CCDC172: variants seen among roughly 807,000 people sequenced by gnomAD.
The protein encoded by CCDC172 is coiled-coil domain-containing protein 172.
A neutral mutation model predicts 38.0 loss-of-function variants in CCDC172; 30 were observed. The ratio of observed to expected loss-of-function variants is 0.79; its 90% CI spans 0.59 to 1.07. CCDC172 has a LOEUF of 1.07. CCDC172 is among the 50% of genes least tolerant of loss of function. The pLI, the probability that CCDC172 is intolerant of heterozygous loss-of-function variation, is 0.00. For missense variants in CCDC172, 297 were observed against 290.1 expected (o/e 1.02, Z -0.17); for synonymous variants, 78 against 88.3 (o/e 0.88, Z 0.66).
At chr10:116,340,249 G>C (rs184649140) in intron 3 of CCDC172, among the ~76,000 whole-genome samples, 2 of 151,346 alleles carry the variant, frequency 1.3e-5, no homozygotes, top group African/African-American at 2.4e-5. Context: ...TTTTTTATTT[G>C]ATATAACTAT....
At chr10:116,345,313 A>G (rs977857366) in intron 5 of CCDC172, among the ~76,000 whole-genome samples, 2 of 152,176 alleles carry the variant, frequency 1.3e-5, no homozygotes, top group African/African-American at 2.4e-5. Flanking sequence ...ATGATCCTTA[A>G]CTCTTCACAC....
chr10:116,342,001 A>C, intron 4 of CCDC172, 35 bp from the exon 5 acceptor site: 1 of 1,337,880 alleles, frequency 7.5e-7, no homozygotes, highest in African/African-American at 1.5e-5. Flanking sequence ...ATTGCAACTA[A>C]CACCTATATT....
At chr10:116,328,245 G>T (rs1459354925) in intron 3 of CCDC172, among the ~76,000 whole-genome samples, 1 of 152,066 alleles carries the variant, frequency 6.6e-6, no homozygotes, top group Non-Finnish European at 1.5e-5. Flanking sequence ...AGGTTATATA[G>T]TATGAGTACT....
At chr10:116,340,650 T>C (rs545383672) in intron 3 of CCDC172, 84 bp from the exon 4 acceptor site, 2 of 673,284 alleles carry the variant, frequency 3.0e-6, no homozygotes, top group Admixed American at 2.7e-5. Context: ...TATTTTATAC[T>C]AGACAAATCT....
intron 8 of CCDC172, 76 bp downstream of exon 8, chr10:116,378,586 C>G (rs1845277366): frequency 1.8e-6 from 2 of 1,102,100 alleles, no homozygotes; most frequent in Non-Finnish European, 2.7e-6. Context: ...TACTGGTGTA[C>G]AAATCACTGA....
intron 5 of CCDC172, among the ~76,000 whole-genome samples, chr10:116,353,574 A>T (rs566487871): frequency 6.6e-6 from 1 of 152,310 alleles, no homozygotes; most frequent in South Asian, 2.1e-4. Context: ...AATTAAATAG[A>T]CGTTTCCCAA....
intron 6 of CCDC172, 41 bp downstream of exon 6, chr10:116,357,522 A>G (rs1320196339): frequency 2.1e-6 from 3 of 1,408,488 alleles, no homozygotes; most frequent in Non-Finnish European, 1.9e-6. Context: ...TGATAAATAT[A>G]GTTATATATG....
chr10:116,347,021 G>C (rs1844876187), intron 5 of CCDC172, among the ~76,000 whole-genome samples: 1 of 152,150 alleles, frequency 6.6e-6, no homozygotes, highest in African/African-American at 2.4e-5. Flanking sequence ...CCTTCAGAGT[G>C]AGGTCTGAAG....
chr10:116,358,564 A>G (rs966253297), intron 7 of CCDC172, among the ~76,000 whole-genome samples: 1 of 152,170 alleles, frequency 6.6e-6, no homozygotes, highest in Non-Finnish European at 1.5e-5. Flanking sequence ...ATATAAGAAA[A>G]GAAACCTCAT....
At chr10:116,355,309 C>T (rs373381302) in intron 5 of CCDC172, among the ~76,000 whole-genome samples, 1 of 152,116 alleles carries the variant, frequency 6.6e-6, no homozygotes, top group African/African-American at 2.4e-5. Context: ...ATGCTTATTA[C>T]GGTGTGCCTA....
At chr10:116,378,091 G>A (rs757517113) in intron 7 of CCDC172, among the ~76,000 whole-genome samples, 1 of 152,056 alleles carries the variant, frequency 6.6e-6, no homozygotes, top group South Asian at 2.1e-4. Flanking sequence ...TGAGGCAGGA[G>A]AATCGCTTGA....
At chr10:116,365,799 T>C (rs1227798638) in intron 7 of CCDC172, among the ~76,000 whole-genome samples, 1 of 152,170 alleles carries the variant, frequency 6.6e-6, no homozygotes, top group East Asian at 1.9e-4. Flanking sequence ...GCACTTTTTA[T>C]TCCACCTTTT....
At chr10:116,325,844 C>T (rs1844585283) in intron 3 of CCDC172, among the ~76,000 whole-genome samples, 1 of 152,172 alleles carries the variant, frequency 6.6e-6, no homozygotes, top group Admixed American at 6.5e-5. Flanking sequence ...CCGAAGTATA[C>T]CTTTTCCATT....
chr10:116,342,238 T>A (rs760263051), intron 5 of CCDC172, 37 bp downstream of exon 5: 2 of 1,491,148 alleles, frequency 1.3e-6, no homozygotes. Flanking sequence ...CTTGCATTAA[T>A]GAAAATAACT....
intron 7 of CCDC172, among the ~76,000 whole-genome samples, chr10:116,373,239 C>G (rs1368672552): frequency 6.6e-6 from 1 of 151,502 alleles, no homozygotes; most frequent in Non-Finnish European, 1.5e-5. Context: ...GAGACCCCAT[C>G]TCTAATTAAA....
At position 116,339,336 on chromosome 10, in the gene CCDC172, A is replaced by G. The variant is rs536652180; in HGVS notation, c.166-1398A>G. Among the ~76,000 whole-genome samples, 7 of 152,058 alleles carry G rather than the reference A, an allele frequency of 4.6e-5. No homozygotes were observed. In the East Asian group the frequency reaches 7.7e-4, roughly 17 times the overall value. On this transcript the variant is annotated intron_variant, in intron 3 of 8. Coordinates refer to ENST00000333254, the MANE Select transcript of CCDC172 (RefSeq NM_198515.3). ...TAACTTCTCTGGACCTCATTTTATT[A>G]TCATTTACATAATAAGCATTAAATA...
chr10:116,377,379 T>C (rs1391901183), intron 7 of CCDC172, among the ~76,000 whole-genome samples: 4 of 152,116 alleles, frequency 2.6e-5, no homozygotes, highest in Admixed American at 1.3e-4. Flanking sequence ...AGAAACTCTA[T>C]TTTGGTTTGA....
intron 7 of CCDC172, among the ~76,000 whole-genome samples, chr10:116,366,581 A>AT (rs1845125622): frequency 6.6e-6 from 1 of 151,976 alleles, no homozygotes; most frequent in Admixed American, 6.6e-5. Context: ...ACCATAGCAT[A>AT]TTTTTTTCTC....
chr10:116,374,997 G>T (rs1845228736), intron 7 of CCDC172, among the ~76,000 whole-genome samples: 1 of 150,948 alleles, frequency 6.6e-6, no homozygotes, highest in Non-Finnish European at 1.5e-5. Context: ...TTTCATTTTA[G>T]TTATTCTGGT....
Sources: gnomAD v4.1 joint callset for allele counts (sites outside exome capture counted in the v4.1 genomes callset) on GRCh38, gnomAD v4.1.1 for gene constraint, MANE v1.5 for transcripts, NCBI Gene and HGNC (gene_info 2026-07-23, HGNC 2026-07-21) for gene names.